The following TXN variants were observed in gnomAD, a reference collection of about 807,000 sequenced individuals.
TXN encodes ADF.
A neutral mutation model predicts 16.5 loss-of-function variants in TXN; 10 were observed. The ratio of observed to expected loss-of-function variants is 0.61; its 90% CI spans 0.37 to 1.03. The LOEUF (loss-of-function observed/expected upper bound fraction) is 1.03, where lower values mean the gene tolerates loss of function less well. Ranked by LOEUF, TXN falls within the 50% of genes least tolerant of loss-of-function variation. TXN has a pLI of 0.01. For missense variants in TXN, 71 were observed against 122.5 expected (o/e 0.58, Z 1.98); for synonymous variants, 35 against 39.4 (o/e 0.89, Z 0.42).
intron 1 of TXN, among the ~76,000 whole-genome samples, chr9:110,252,838 T>G (rs1837758738): frequency 6.6e-6 from 1 of 151,932 alleles, no homozygotes; most frequent in African/African-American, 2.4e-5. Flanking sequence ...AGAGACAGAG[T>G]TTCGCCATGT....
At chr9:110,245,349 C>A (rs1345773385) in intron 3 of TXN, among the ~76,000 whole-genome samples, 3 of 151,586 alleles carry the variant, frequency 2.0e-5, no homozygotes, top group Non-Finnish European at 4.4e-5. Flanking sequence ...AAATAAAAAT[C>A]AATTGTTCAA....
At chr9:110,255,397 T>C (rs4135164) in intron 1 of TXN, among the ~76,000 whole-genome samples, 2,203 of 152,362 alleles carry the variant, frequency 0.014, 50 homozygotes, top group African/African-American at 0.05. Context: ...TACAAGGTTT[T>C]AGGCTTGCAA....
At chr9:110,247,805 C>CA (rs1837677757) in intron 3 of TXN, among the ~76,000 whole-genome samples, 1 of 152,026 alleles carries the variant, frequency 6.6e-6, no homozygotes, top group South Asian at 2.1e-4. Flanking sequence ...TTTAAAAAGA[C>CA]AGTTACTATA....
chr9:110,249,320 AC>A (rs1451212904), intron 3 of TXN, among the ~76,000 whole-genome samples: 10 of 144,494 alleles, frequency 6.9e-5, no homozygotes, highest in African/African-American at 2.3e-4. Flanking sequence ...AAAAAAAAAA[AC>A]AACTCTGGGA....
chr9:110,249,935 T>C (rs1264439923), intron 3 of TXN, among the ~76,000 whole-genome samples: 1 of 152,138 alleles, frequency 6.6e-6, no homozygotes, highest in African/African-American at 2.4e-5. Flanking sequence ...CCCCATCGCC[T>C]TTCCTTCTCC....
intron 3 of TXN, among the ~76,000 whole-genome samples, chr9:110,248,515 A>T (rs773824759): frequency 3.3e-5 from 5 of 152,184 alleles, no homozygotes; most frequent in Non-Finnish European, 5.9e-5. Context: ...GGTGTACAGG[A>T]GGCTATGCCA....
At chr9:110,254,462 C>T (rs971027728) in intron 1 of TXN, among the ~76,000 whole-genome samples, 97 of 152,350 alleles carry the variant, frequency 6.4e-4, no homozygotes, top group African/African-American at 2.3e-3. Context: ...GTGGAGGTTG[C>T]AGTGGGCCGA....
At chr9:110,245,961 A>G (rs569894181) in intron 3 of TXN, among the ~76,000 whole-genome samples, 1 of 152,120 alleles carries the variant, frequency 6.6e-6, no homozygotes, top group South Asian at 2.1e-4. Context: ...GCTACTCAGG[A>G]GGTTGAGACA....
intron 3 of TXN, among the ~76,000 whole-genome samples, chr9:110,246,800 G>A (rs1837665682): frequency 6.6e-6 from 1 of 152,140 alleles, no homozygotes; most frequent in African/African-American, 2.4e-5. Context: ...GTAATGGCTG[G>A]AATAAAAATG....
intron 4 of TXN, 116 bp from the exon 5 acceptor site, chr9:110,244,335 ATG>A: frequency 3.6e-6 from 1 of 279,168 alleles, no homozygotes; most frequent in Non-Finnish European, 6.6e-6. Context: ...ATATATACAT[ATG>A]TATAAATATG....
At chr9:110,252,699 C>A (rs1478138041) in intron 1 of TXN, among the ~76,000 whole-genome samples, 1 of 151,388 alleles carries the variant, frequency 6.6e-6, no homozygotes, top group East Asian at 1.9e-4. Context: ...GGCTGGAGTG[C>A]AAAGGCCTGA....
chr9:110,248,811 A>G (rs1306247027), intron 3 of TXN, among the ~76,000 whole-genome samples: 1 of 152,066 alleles, frequency 6.6e-6, no homozygotes, highest in Non-Finnish European at 1.5e-5. Context: ...GGCATCTGGC[A>G]CCTATTATTG....
chr9:110,245,650 ATATAT>A (rs1397974404), intron 3 of TXN, among the ~76,000 whole-genome samples: 135 of 24,604 alleles, frequency 5.5e-3, no homozygotes, highest in African/African-American at 0.015. Context: ...ATATATATAT[ATATAT>A]TTTTTTTTTT....
intron 3 of TXN, among the ~76,000 whole-genome samples, chr9:110,246,003 T>G (rs1258352304): frequency 6.6e-6 from 1 of 151,978 alleles, no homozygotes; most frequent in Non-Finnish European, 1.5e-5. Flanking sequence ...AGGCGGAGGT[T>G]GCAGTGAGCT....
chr9:110,251,287 T>C, intron 2 of TXN, 71 bp downstream of exon 2: 1 of 1,171,594 alleles, frequency 8.5e-7, no homozygotes, highest in Non-Finnish European at 1.3e-6. Flanking sequence ...ACTGTCTTTC[T>C]TTCCTACCAC....
At chr9:110,245,831 A>T (rs1463654412) in intron 3 of TXN, among the ~76,000 whole-genome samples, 3 of 150,956 alleles carry the variant, frequency 2.0e-5, no homozygotes, top group Non-Finnish European at 4.4e-5. Flanking sequence ...TTGTGAGGCC[A>T]AGGCCGGTGG....
chr9:110,246,422 A>T (rs1321831214), intron 3 of TXN, among the ~76,000 whole-genome samples: 3 of 152,182 alleles, frequency 2.0e-5, no homozygotes, highest in African/African-American at 7.2e-5. Context: ...TGTTCATGCT[A>T]TAAGAGGGCA....
At chr9:110,255,420 A>C (rs186134759) in intron 1 of TXN, among the ~76,000 whole-genome samples, 1 of 152,350 alleles carries the variant, frequency 6.6e-6, no homozygotes, top group African/African-American at 2.4e-5. Context: ...ACTTTCAAAC[A>C]TGGGAAGGCT....
At chr9:110,247,362 G>C (rs1837673168) in intron 3 of TXN, among the ~76,000 whole-genome samples, 1 of 151,966 alleles carries the variant, frequency 6.6e-6, no homozygotes. Flanking sequence ...GGTGATCAGG[G>C]TGCACCAAGC....
Sources: allele counts gnomAD v4.1 joint callset (sites outside exome capture counted in the v4.1 genomes callset), GRCh38; gene constraint gnomAD v4.1.1; transcripts MANE v1.5; gene names NCBI Gene and HGNC (gene_info 2026-07-23, HGNC 2026-07-21).